COL21A1: variants seen among roughly 807,000 people sequenced by gnomAD.
COL21A1 encodes collagen alpha-1(XXI) chain.
Under a neutral mutation model 137.9 loss-of-function variants are expected in COL21A1, and 149 were observed. That is an observed-to-expected ratio of 1.08 (90% CI 0.95 to 1.24). The LOEUF is 1.24. COL21A1 is among the 50% of genes most tolerant of loss of function. The probability of loss-of-function intolerance (pLI) is 0.00; values close to 1 mark genes in which losing one functional copy is unlikely to be tolerated. For synonymous variants in COL21A1, 456 were observed against 391.5 expected (o/e 1.16, Z -1.95); for missense variants, 1,167 against 1,158.4 (o/e 1.01, Z -0.11).
chr6:56,210,627 T>C (rs1780096507), intron 1 of COL21A1, among the ~76,000 whole-genome samples: 1 of 152,162 alleles, frequency 6.6e-6, no homozygotes, highest in Admixed American at 6.6e-5. Flanking sequence ...TAAAGTAGAA[T>C]AAGACATATA....
chr6:56,166,672 A>C, intron 7 of COL21A1: 1 of 601,020 alleles, frequency 1.7e-6, no homozygotes, highest in Non-Finnish European at 3.0e-6. Flanking sequence ...AAAACACAAC[A>C]AGAAAACATT....
At chr6:56,193,573 T>C (rs1778834327) in intron 1 of COL21A1, among the ~76,000 whole-genome samples, 2 of 152,104 alleles carry the variant, frequency 1.3e-5, no homozygotes, top group East Asian at 3.9e-4. Flanking sequence ...ATAGGCTACA[T>C]TTGCAAAGTC....
chr6:56,367,306 T>C (rs1243042104), intron 1 of COL21A1, among the ~76,000 whole-genome samples: 1 of 152,214 alleles, frequency 6.6e-6, no homozygotes, highest in Non-Finnish European at 1.5e-5. Context: ...CTTCCCTATG[T>C]GATCCAAGTC....
intron 16 of COL21A1, among the ~76,000 whole-genome samples, chr6:56,118,396 C>T (rs750829106): frequency 1.3e-5 from 2 of 151,842 alleles, no homozygotes; most frequent in African/African-American, 2.4e-5. Context: ...AAATCCAAAA[C>T]CTGAAAGGAC....
At chr6:56,267,512 T>G (rs1763418817) in intron 1 of COL21A1, among the ~76,000 whole-genome samples, 1 of 151,572 alleles carries the variant, frequency 6.6e-6, no homozygotes, top group African/African-American at 2.4e-5. Context: ...ATCCCAGCAC[T>G]TTGGGAGGCA....
At chr6:56,376,994 T>C (rs938453465) in intron 1 of COL21A1, among the ~76,000 whole-genome samples, 3 of 147,764 alleles carry the variant, frequency 2.0e-5, no homozygotes, top group Non-Finnish European at 3.0e-5. Context: ...TTTTTTTTTT[T>C]TGAGACAGAG....
At chr6:56,300,597 T>G (rs1189391816) in intron 1 of COL21A1, among the ~76,000 whole-genome samples, 1 of 152,144 alleles carries the variant, frequency 6.6e-6, no homozygotes, top group East Asian at 1.9e-4. Flanking sequence ...GTGAAATGTT[T>G]TCTTGAGACA....
At chr6:56,132,249 A>G (rs1201704831) in intron 12 of COL21A1, among the ~76,000 whole-genome samples, 1 of 152,132 alleles carries the variant, frequency 6.6e-6, no homozygotes, top group Non-Finnish European at 1.5e-5. Context: ...AATAAGCCAT[A>G]ATCTTGAATA....
At chr6:56,199,205 A>G (rs1779220377) in intron 1 of COL21A1, among the ~76,000 whole-genome samples, 2 of 152,176 alleles carry the variant, frequency 1.3e-5, no homozygotes, top group South Asian at 4.1e-4. Flanking sequence ...TCAACAGCAG[A>G]AAGTCCTTGG....
chr6:56,107,604 A>G (rs1771064267), intron 16 of COL21A1, among the ~76,000 whole-genome samples: 1 of 151,190 alleles, frequency 6.6e-6, no homozygotes, highest in South Asian at 2.1e-4. Context: ...AGCAACACAC[A>G]TGTTGGCAGT....
chr6:56,129,586 A>G (rs1317742612), intron 12 of COL21A1, among the ~76,000 whole-genome samples: 2 of 152,008 alleles, frequency 1.3e-5, no homozygotes, highest in Admixed American at 1.3e-4. Context: ...CATATTTTTT[A>G]GCTTATACTA....
chr6:56,276,669 T>C (rs1438197266), intron 1 of COL21A1: 4 of 1,443,018 alleles, frequency 2.8e-6, no homozygotes, highest in Non-Finnish European at 3.9e-6. Context: ...TCAAAAGTCC[T>C]GCATGATCCT....
chr6:56,116,396 TAAAAAAAAAAAAA>T (rs370697652), intron 16 of COL21A1, among the ~76,000 whole-genome samples: 6 of 90,834 alleles, frequency 6.6e-5, no homozygotes, highest in Non-Finnish European at 1.0e-4. Context: ...GTGCCAAAGG[TAAAAAAAAAAAAA>T]AAAAAAAAAA....
intron 3 of COL21A1, among the ~76,000 whole-genome samples, chr6:56,178,250 T>C (rs866576697): frequency 6.6e-6 from 1 of 152,122 alleles, no homozygotes; most frequent in South Asian, 2.1e-4. Context: ...CTAACTAATA[T>C]GACCACATAT....
intron 1 of COL21A1, among the ~76,000 whole-genome samples, chr6:56,210,515 C>A (rs1199111132): frequency 6.6e-6 from 1 of 152,090 alleles, no homozygotes; most frequent in Non-Finnish European, 1.5e-5. Flanking sequence ...CAAGGACTAC[C>A]AGTGGCTGCT....
At chr6:56,364,111 T>C (rs940444119) in intron 1 of COL21A1, among the ~76,000 whole-genome samples, 1 of 151,900 alleles carries the variant, frequency 6.6e-6, no homozygotes, top group Non-Finnish European at 1.5e-5. Context: ...TCTACATCTT[T>C]GACGGAGTGT....
chr6:56,093,396 T>A (rs1769039144), intron 17 of COL21A1, among the ~76,000 whole-genome samples: 2 of 152,170 alleles, frequency 1.3e-5, no homozygotes, highest in Admixed American at 6.6e-5. Context: ...ATGGGTATGA[T>A]CCATCCTAGG....
At chr6:56,391,891 C>T (rs1233798684) in intron 1 of COL21A1, among the ~76,000 whole-genome samples, 1 of 152,082 alleles carries the variant, frequency 6.6e-6, no homozygotes, top group Non-Finnish European at 1.5e-5. Context: ...AAGAAAAGCC[C>T]AAGACCTGAT....
At chr6:56,079,581 G>A (rs1383185973) in intron 17 of COL21A1, among the ~76,000 whole-genome samples, 1 of 151,396 alleles carries the variant, frequency 6.6e-6, no homozygotes, top group Non-Finnish European at 1.5e-5. Flanking sequence ...TTTACTCCTT[G>A]GATTTGATCT....
Sources: gnomAD v4.1 joint callset for allele counts (sites outside exome capture counted in the v4.1 genomes callset) on GRCh38, gnomAD v4.1.1 for gene constraint, MANE v1.5 for transcripts, NCBI Gene and HGNC (gene_info 2026-07-23, HGNC 2026-07-21) for gene names.